The following GRIA3 variants were observed in gnomAD, a reference collection of about 807,000 sequenced individuals.
The protein encoded by GRIA3 is glutamate ionotropic receptor AMPA type subunit 3, also known as glutamate receptor 3.
In GRIA3, 3 loss-of-function variants were observed where a neutral mutation model predicts 63.0. That is an observed-to-expected ratio of 0.05 (90% CI 0.02 to 0.12). The LOEUF (loss-of-function observed/expected upper bound fraction) is 0.12. GRIA3 is among the 10% of genes least tolerant of loss of function. GRIA3 has a pLI of 1.00. For synonymous variants in GRIA3, 274 were observed against 257.9 expected (o/e 1.06, Z -0.60); for missense variants, 347 against 700.9 (o/e 0.50, Z 5.70).
Position 123,417,390 on chromosome X carries a change from CTT to C in GRIA3, c.1501-5_1501-4del. On this transcript the variant is annotated splice_polypyrimidine_tract_variant and intron_variant, in intron 10 of 15. Transcript: ENST00000620443. ...AAGTCATATATGTTTTCTTTTTTTT[CTT>C]TTTTTTCAGAGAGCTGATATAGCTG... 3 of 1,183,498 alleles carry C rather than the reference CTT, an allele frequency of 2.5e-6. No homozygotes were observed. The highest frequency in any genetic ancestry group is 3.4e-6 in the Non-Finnish European group (3 of 873,333).
chrX:123,278,957 A>G (rs1301335617), intron 3 of GRIA3, among the ~76,000 whole-genome samples: 2 of 111,794 alleles, frequency 1.8e-5, no homozygotes, highest in African/African-American at 3.2e-5. Flanking sequence ...TATTTTTATG[A>G]AGAATATTAT....
At chrX:123,482,674 A>G (rs761012295) in intron 14 of GRIA3, 125 bp from the exon 15 acceptor site, 3 of 799,049 alleles carry the variant, frequency 3.8e-6, no homozygotes, top group Non-Finnish European at 5.6e-6. Context: ...GAATTGAGTC[A>G]TAACACTTAC....
At chrX:123,185,297 G>T (rs1364894723) in intron 1 of GRIA3, among the ~76,000 whole-genome samples, 1 of 111,702 alleles carries the variant, frequency 9.0e-6, no homozygotes, top group Non-Finnish European at 1.9e-5. Context: ...GCTCCTGGGC[G>T]CCTGGAGGGA....
rs11349023 is a variant in GRIA3, at chrX:123,442,833, CTT to C, written c.2076+14707_2076+14708del. Among the ~76,000 whole-genome samples, 58 of 98,784 alleles carry C rather than the reference CTT, an allele frequency of 5.9e-4. No individual in the cohort carries two copies. In the South Asian group the frequency reaches 9.0e-3, roughly 15 times the overall value. The allele number at this position is 98,784 out of a possible 115,157, so 85.8% of individuals were successfully genotyped here. Reference sequence around the variant, plus strand: ...GAATATTTGACGATTTTCTGCTTTGCTTTTTTTTTTTTTTCCCTATGCAAAGG... The same window carrying C: ...GAATATTTGACGATTTTCTGCTTTGCTTTTTTTTTTTTCCCTATGCAAAGG... On this transcript the variant is annotated intron_variant, in intron 12 of 15. Transcript: ENST00000620443.
At chrX:123,260,400 GAAA>G (rs2044445315) in intron 3 of GRIA3, among the ~76,000 whole-genome samples, 2 of 15,204 alleles carry the variant, frequency 1.3e-4, no homozygotes, top group African/African-American at 2.1e-4. Context: ...ATGAAAGAAA[GAAA>G]GACAGACAGA....
chrX:123,454,131 G>A (rs867055008), intron 12 of GRIA3, among the ~76,000 whole-genome samples: 17 of 110,456 alleles, frequency 1.5e-4, no homozygotes, highest in African/African-American at 5.6e-4. Flanking sequence ...TAAAGTATAA[G>A]CATCATTTCA....
At chrX:123,353,459 G>C (rs946163212) in intron 4 of GRIA3, among the ~76,000 whole-genome samples, 9 of 111,534 alleles carry the variant, frequency 8.1e-5, no homozygotes, top group African/African-American at 2.6e-4. Context: ...CTGTTCTGGG[G>C]ATTAAATACA....
intron 4 of GRIA3, among the ~76,000 whole-genome samples, chrX:123,332,217 T>C (rs1483531334): frequency 1.8e-5 from 2 of 110,776 alleles, no homozygotes; most frequent in Non-Finnish European, 3.8e-5. Flanking sequence ...TATTGATTGA[T>C]AAGCTCAAGA....
intron 3 of GRIA3, among the ~76,000 whole-genome samples, chrX:123,306,578 C>A (rs2044756253): frequency 8.9e-6 from 1 of 112,017 alleles, no homozygotes; most frequent in South Asian, 3.7e-4. Flanking sequence ...GAAATACTAG[C>A]AACCTCTGGC....
chrX:123,441,575 T>C (rs2045674358), intron 12 of GRIA3, among the ~76,000 whole-genome samples: 1 of 111,060 alleles, frequency 9.0e-6, no homozygotes, highest in African/African-American at 3.3e-5. Context: ...CGGGAATCAA[T>C]GTTGAAAAGC....
At chrX:123,197,400 C>T (rs766552119) in intron 2 of GRIA3, among the ~76,000 whole-genome samples, 37 of 111,407 alleles carry the variant, frequency 3.3e-4, no homozygotes, top group Non-Finnish European at 3.8e-4. Flanking sequence ...TGGTGTGTGC[C>T]TGTAGTCCCA....
At chrX:123,214,695 T>C (rs1177035431) in intron 2 of GRIA3, among the ~76,000 whole-genome samples, 2 of 112,223 alleles carry the variant, frequency 1.8e-5, no homozygotes, top group African/African-American at 6.5e-5. Context: ...ATAATGCACA[T>C]GAACCTATTA....
chrX:123,469,367 T>TTAA (rs1462746056), intron 13 of GRIA3, among the ~76,000 whole-genome samples: 9 of 112,093 alleles, frequency 8.0e-5, no homozygotes, highest in Non-Finnish European at 1.7e-4. Flanking sequence ...GTCGTAAATG[T>TTAA]GCATGAGCTT....
At chrX:123,387,527 G>T (rs1325931089) in intron 5 of GRIA3, among the ~76,000 whole-genome samples, 22 of 111,229 alleles carry the variant, frequency 2.0e-4, no homozygotes. Flanking sequence ...CAGAGGAAAG[G>T]TTTTCAGCAT....
intron 4 of GRIA3, among the ~76,000 whole-genome samples, chrX:123,336,102 A>G (rs2044972533): frequency 8.9e-6 from 1 of 112,090 alleles, no homozygotes; most frequent in African/African-American, 3.2e-5. Flanking sequence ...ATAGTTTACA[A>G]AAGCAACACA....
chrX:123,458,342 C>G (rs181399918), intron 12 of GRIA3, among the ~76,000 whole-genome samples: 25 of 109,099 alleles, frequency 2.3e-4, no homozygotes, highest in African/African-American at 7.3e-4. Context: ...GAAATGGAAA[C>G]AGAGAGGACG....
chrX:123,293,229 A>G (rs779661885), intron 3 of GRIA3, among the ~76,000 whole-genome samples: 1 of 110,802 alleles, frequency 9.0e-6, no homozygotes, highest in Admixed American at 9.6e-5. Flanking sequence ...CATGACACCT[A>G]TCTATGCCAA....
At chrX:123,245,318 T>A (rs909249495) in intron 2 of GRIA3, among the ~76,000 whole-genome samples, 1 of 111,272 alleles carries the variant, frequency 9.0e-6, no homozygotes, top group African/African-American at 3.3e-5. Flanking sequence ...GTGAGGCTGT[T>A]TTATGGGCAG....
Position 123,317,188 on chromosome X carries a change from A to C in GRIA3, c.509-8838A>C, listed in dbSNP as rs1439966703. Among the ~76,000 whole-genome samples the C allele has an allele frequency of 8.1e-5, 9 of 111,394 alleles. No individual in the cohort carries two copies. The Admixed American group carries it at 8.6e-4, about 11-fold the overall frequency. ...TGAGAAAAACCAGCCCCCATGATCT[A>C]ATTAACTCCCCTGGGCCCCTCCCAC... On this transcript the variant is annotated intron_variant, in intron 3 of 15. Coordinates refer to ENST00000620443, the MANE Select transcript of GRIA3 (RefSeq NM_007325.5).
Sources: allele counts gnomAD v4.1 joint callset (sites outside exome capture counted in the v4.1 genomes callset), GRCh38; gene constraint gnomAD v4.1.1; transcripts MANE v1.5; gene names NCBI Gene and HGNC (gene_info 2026-07-23, HGNC 2026-07-21).